Variants in SMC6 observed in about 807,000 individuals in gnomAD.
The protein encoded by SMC6 is structural maintenance of chromosomes 6.
SMC6 carries 79 observed loss-of-function variants against 142.2 expected under a neutral mutation model. That is an observed-to-expected ratio of 0.56 (90% confidence interval 0.46 to 0.67). The LOEUF (loss-of-function observed/expected upper bound fraction) is 0.67, where lower values mean the gene tolerates loss of function less well. SMC6 is among the 30% of genes least tolerant of loss of function. SMC6 has a pLI of 0.00. For missense variants in SMC6, 1,072 were observed against 1,284.0 expected, an observed-to-expected ratio of 0.83 and a Z score of 2.52; for synonymous variants, 411 against 412.4, an observed-to-expected ratio of 1.00 and a Z score of 0.04.
rs763583977 is a variant in SMC6, at chr2:17,741,639, C to T, written c.211G>A (p.Val71Ile). 3.1e-6 allele frequency: 5 copies of T among 1,610,986 alleles called. 1 individual carries two copies. In the South Asian group the frequency reaches 4.4e-5, roughly 14 times the overall value. ...MLGPFKFGSN[V>I]NFVVGNNGSG... is the part of the protein sequence containing the mutation. The stretch of plus-strand genomic sequence containing the variant: ...CCATTGTTGCCAACAACAAAGTTGA[C>T]ATTAGAACCAAACTTAAAAGGTCCA... The change falls in exon 4 of 28, where the codon GTC becomes ATC. Residue 71 changes from valine to isoleucine, a missense_variant. By Grantham distance (29) the Val-to-Ile change is conservative. Transcript: ENST00000448223.
chr2:17,696,149 A>G, intron 22 of SMC6, 140 bp downstream of exon 22: 1 of 1,049,044 alleles, frequency 9.5e-7, no homozygotes, highest in Non-Finnish European at 1.3e-6. Context: ...CTGTTGATTC[A>G]CCCAAACACC....
intron 12 of SMC6, 68 bp from the exon 13 acceptor site, chr2:17,717,244 G>A (rs1288246983): frequency 1.7e-6 from 2 of 1,160,586 alleles, no homozygotes; most frequent in East Asian, 2.4e-5. Context: ...GTCCACTTTT[G>A]TCAAATCTTC....
Position 17,708,762 on chromosome 2 carries a change from CA to C in SMC6, c.1731-10del. The C allele has an allele frequency of 3.5e-6, 5 of 1,430,434 alleles. No homozygotes were observed. The South Asian group carries it at 4.9e-5, about 14-fold the overall frequency. 88.6% of individuals were successfully genotyped at this position (1,430,434 alleles called of 1,614,324 possible). On this transcript the variant is annotated splice_polypyrimidine_tract_variant and intron_variant, in intron 16 of 27. Transcript: ENST00000448223. The stretch of plus-strand genomic sequence containing the variant: ...CTGGATGATAAGCAGCTCTAGGAGA[CA>C]AAAATACAGAAGGATTAACTTAGCA...
At chr2:17,740,649 G>A in intron 4 of SMC6, 1 of 391,988 alleles carries the variant, frequency 2.6e-6, no homozygotes, top group Non-Finnish European at 5.0e-6. Flanking sequence ...GAGCTCAGGA[G>A]TTTGAGATCA....
intron 2 of SMC6, chr2:17,746,269 T>C (rs1203714099): frequency 1.5e-5 from 3 of 198,374 alleles, no homozygotes; most frequent in Non-Finnish European, 3.0e-5. Context: ...TAAGTTTGTA[T>C]TGCTTTAACA....
intron 9 of SMC6, among the ~76,000 whole-genome samples, chr2:17,724,512 T>C (rs1195794660): frequency 6.6e-6 from 1 of 152,180 alleles, no homozygotes; most frequent in African/African-American, 2.4e-5. Flanking sequence ...ATGAACAAGA[T>C]ATGGAATTAC....
chr2:17,696,913 G>T (rs1668029611), intron 21 of SMC6, among the ~76,000 whole-genome samples: 1 of 152,176 alleles, frequency 6.6e-6, no homozygotes, highest in South Asian at 2.1e-4. Flanking sequence ...AACAGTAGTA[G>T]ATATAAGGTA....
chr2:17,744,322 A>AT (rs397871834), intron 3 of SMC6, among the ~76,000 whole-genome samples: 106 of 151,978 alleles, frequency 7.0e-4, no homozygotes, highest in Middle Eastern at 6.8e-3. Context: ...AAAGTGGTTC[A>AT]TTTTTTTTGA....
chr2:17,722,699 A>G (rs1007344003), intron 9 of SMC6, among the ~76,000 whole-genome samples: 8 of 152,178 alleles, frequency 5.3e-5, no homozygotes, highest in Non-Finnish European at 2.9e-5. Context: ...ACCACATGGT[A>G]TATCTCACAG....
At chr2:17,696,128 C>T (rs921827508) in intron 22 of SMC6, among the ~76,000 whole-genome samples, 161 bp downstream of exon 22, 1 of 152,204 alleles carries the variant, frequency 6.6e-6, no homozygotes, top group Non-Finnish European at 1.5e-5. Context: ...CTGAGGGTCC[C>T]TAAGCCTCTT....
intron 23 of SMC6, among the ~76,000 whole-genome samples, chr2:17,690,968 C>A (rs1457619556): frequency 3.3e-5 from 5 of 150,412 alleles, no homozygotes; most frequent in Non-Finnish European, 7.4e-5. Flanking sequence ...AAAAAAAAAA[C>A]GCTGAGTACA....
chr2:17,730,559 G>A (rs1669857174), intron 7 of SMC6, among the ~76,000 whole-genome samples: 1 of 151,570 alleles, frequency 6.6e-6, no homozygotes, highest in South Asian at 2.1e-4. Flanking sequence ...CAAATTAAAG[G>A]TGTTATATTA....
intron 23 of SMC6, among the ~76,000 whole-genome samples, chr2:17,690,524 G>A (rs1489935420): frequency 1.3e-5 from 2 of 152,104 alleles, no homozygotes; most frequent in African/African-American, 4.8e-5. Context: ...AACCCAGGAG[G>A]CAGAGGTTGC....
intron 2 of SMC6, among the ~76,000 whole-genome samples, chr2:17,749,917 T>A (rs1052281626): frequency 1.3e-5 from 2 of 152,224 alleles, no homozygotes; most frequent in African/African-American, 4.8e-5. Context: ...TACTACTACT[T>A]CTGAATCTGC....
rs553706706 is a variant in SMC6 at position 17,738,924 on chromosome 2, T to C, written c.239-598A>G. Among the ~76,000 whole-genome samples the C allele has an allele frequency of 7.2e-5, 11 of 152,266 alleles. No individual in the cohort carries two copies. In the East Asian group the frequency reaches 1.9e-3, roughly 27 times the overall value. On this transcript the variant is annotated intron_variant, in intron 4 of 27. Coordinates refer to ENST00000448223, the MANE Select transcript of SMC6 (RefSeq NM_001142286.2). ...TTAGCCTCTCAAAGCGCTGTGATTA[T>C]AGATGTGAGCCACTGGGCCCAGCCA...
Position 17,714,886 on chromosome 2 carries a change from TC to T in SMC6, c.1704del (p.Asn569MetfsTer6). On this transcript the variant is annotated frameshift_variant, in exon 16 of 28. Transcript: ENST00000448223. LOFTEE classifies it high-confidence loss of function. ...CTGTGTCTTACATCATATATCTCAT[TC>T]CGAAACTCAGAAACTATTATCGGTG... ...SRPPIIVSEFRNEIYDVRHRA... is the reference protein window; with the variant it reads ...SRPPIIVSEFXNEIYDVRHRA... 6.2e-7 allele frequency: 1 copy of T among 1,613,006 alleles called. No homozygotes were observed. Among genetic ancestry groups the T allele is most frequent in the Non-Finnish European group, 8.5e-7 (1 of 1,179,716 alleles).
At chr2:17,731,970 ATAATT>A in intron 5 of SMC6, 93 bp from the exon 6 acceptor site, 1 of 1,364,420 alleles carries the variant, frequency 7.3e-7, no homozygotes. Context: ...AAACCACCAA[ATAATT>A]TGGCCAATTC....
intron 26 of SMC6, among the ~76,000 whole-genome samples, chr2:17,668,103 A>T (rs1011857141): frequency 1.3e-5 from 2 of 152,180 alleles, no homozygotes; most frequent in Non-Finnish European, 2.9e-5. Context: ...CTTCTGAATA[A>T]TTTCATTGGG....
intron 7 of SMC6, among the ~76,000 whole-genome samples, chr2:17,727,352 T>A (rs1669680888): frequency 6.6e-6 from 1 of 152,158 alleles, no homozygotes; most frequent in South Asian, 2.1e-4. Flanking sequence ...CCAACCTACA[T>A]CTTTCTCCAA....
Sources: gnomAD v4.1 joint callset for allele counts (sites outside exome capture counted in the v4.1 genomes callset) on GRCh38, gnomAD v4.1.1 for gene constraint, MANE v1.5 for transcripts, NCBI Gene and HGNC (gene_info 2026-07-23, HGNC 2026-07-21) for gene names.